PKIB: variants seen among roughly 807,000 people sequenced by gnomAD.
The protein encoded by PKIB is PKI-beta.
In PKIB, 2 loss-of-function variants were observed where a neutral mutation model predicts 4.5. The ratio of observed to expected loss-of-function variants is 0.44; its 90% confidence interval spans 0.18 to 1.39. The LOEUF is 1.39. PKIB is among the 40% of genes most tolerant of loss of function. PKIB has a pLI of 0.27. For missense variants in PKIB, 94 were observed against 92.6 expected (o/e 1.02, Z -0.06); for synonymous variants, 38 against 36.0 (o/e 1.06, Z -0.20).
At chr6:122,655,806 A>T (rs1290485124) in intron 2 of PKIB, among the ~76,000 whole-genome samples, 1 of 152,198 alleles carries the variant, frequency 6.6e-6, no homozygotes, top group East Asian at 1.9e-4. Flanking sequence ...AAGGCTCTCT[A>T]ATTATTGACT....
chr6:122,561,923 A>G (rs1400641242), intron 2 of PKIB, among the ~76,000 whole-genome samples: 1 of 140,284 alleles, frequency 7.1e-6, no homozygotes, highest in Admixed American at 7.6e-5. Flanking sequence ...CAATGTTAGT[A>G]TTGAAATGTG....
chr6:122,677,220 G>A (rs995957321), intron 3 of PKIB, among the ~76,000 whole-genome samples: 5 of 152,136 alleles, frequency 3.3e-5, no homozygotes, highest in Admixed American at 2.0e-4. Flanking sequence ...AATCAAAATC[G>A]AAGGGGAGCT....
At chr6:122,516,320 G>A (rs914256394) in intron 2 of PKIB, among the ~76,000 whole-genome samples, 2 of 152,084 alleles carry the variant, frequency 1.3e-5, no homozygotes, top group Non-Finnish European at 2.9e-5. Context: ...TTGGGGGACT[G>A]GTTTTTGCTT....
chr6:122,501,114 CCTT>C lies in PKIB; in HGVS notation c.-248+23178_-248+23180del, dbSNP rs763851591. Reference sequence around the variant, plus strand: ...CCCCAGCTTCTCCCACATCTCATGTCCTTCTCACATTCCAGAACACAATCATGA... The same window carrying C: ...CCCCAGCTTCTCCCACATCTCATGTCCTCACATTCCAGAACACAATCATGA... On this transcript the variant is annotated intron_variant, in intron 2 of 6. Coordinates refer to the PKIB transcript ENST00000392491. Among the ~76,000 whole-genome samples the C allele has an allele frequency of 2.0e-5, 3 of 152,294 alleles. No homozygotes were observed. In the East Asian group the frequency reaches 5.8e-4, roughly 29 times the overall value.
At position 122,560,093 on chromosome 6, in the gene PKIB, C is replaced by T. The variant is rs147937862; in HGVS notation, c.-247-25828C>T. ...CCAGTACTATGTTGAAGAGGAGTGG[C>T]GAGACTGGGCATCCTTGTCTTGTTC... is the stretch of plus-strand genomic sequence containing the variant. On this transcript the variant is annotated intron_variant, in intron 2 of 6. Transcript: ENST00000392491. Among the ~76,000 whole-genome samples the T allele has an allele frequency of 7.5e-3, 1,137 of 152,018 alleles. 6 individuals are homozygous for T. The highest frequency in any genetic ancestry group is 9.7e-3 in the Non-Finnish European group (662 of 67,934).
At chr6:122,638,511 T>G (rs564898517) in intron 2 of PKIB, among the ~76,000 whole-genome samples, 1 of 152,322 alleles carries the variant, frequency 6.6e-6, no homozygotes, top group African/African-American at 2.4e-5. Flanking sequence ...CTCACTCTGC[T>G]TCATGTCCTC....
intron 3 of PKIB, among the ~76,000 whole-genome samples, chr6:122,675,433 T>C (rs550718605): frequency 6.6e-6 from 1 of 152,336 alleles, no homozygotes; most frequent in South Asian, 2.1e-4. Context: ...TCGTTTTTCC[T>C]TTTGTGAAGA....
chr6:122,570,118 A>G (rs1562254889), intron 2 of PKIB, among the ~76,000 whole-genome samples: 1 of 152,244 alleles, frequency 6.6e-6, no homozygotes, highest in Non-Finnish European at 1.5e-5. Context: ...CATGAGAGGC[A>G]GAGTCACAAC....
At chr6:122,492,319 A>C (rs1329095874) in intron 2 of PKIB, among the ~76,000 whole-genome samples, 1 of 152,118 alleles carries the variant, frequency 6.6e-6, no homozygotes, top group Admixed American at 6.5e-5. Context: ...AGCAGAGGAA[A>C]AGCAAGTAGA....
chr6:122,527,248 G>A lies in PKIB; in HGVS notation c.-248+49309G>A, dbSNP rs71571158. On this transcript the variant is annotated intron_variant, in intron 2 of 6. Coordinates refer to the PKIB transcript ENST00000392491. ...CAAACTGTTTTCCTTTCAGTAAGAA[G>A]GCTGTTTTCCTTTCTTATTATTCAT... Among the ~76,000 whole-genome samples the A allele has an allele frequency of 1.8e-3, 273 of 152,138 alleles. 1 individual carries two copies. The highest frequency in any genetic ancestry group is 6.5e-3 in the African/African-American group (269 of 41,526).
intron 2 of PKIB, among the ~76,000 whole-genome samples, chr6:122,633,589 C>T (rs1353381282): frequency 6.6e-6 from 1 of 152,158 alleles, no homozygotes; most frequent in Admixed American, 6.5e-5. Context: ...TTGAGATACA[C>T]ATTTTCAACT....
rs549583964 is a variant in PKIB, at chr6:122,701,595, A to G, written c.-8-16192A>G. ...GCCACATAGGCCATAGCTCAAGCCCATCAGCAGTTAGCAGTTCTGTCTCAG... is the reference window on the plus strand; with the variant it reads ...GCCACATAGGCCATAGCTCAAGCCCGTCAGCAGTTAGCAGTTCTGTCTCAG... On this transcript the variant is annotated intron_variant, in intron 3 of 4. Transcript: ENST00000368452. 7.7e-6 allele frequency: 11 copies of G among 1,425,796 alleles called. No homozygotes were observed. The South Asian group carries it at 1.0e-4, about 13-fold the overall frequency. 88.3% of individuals were successfully genotyped at this position (1,425,796 alleles called of 1,614,324 possible).
chr6:122,499,248 A>AAAG (rs1776156268), intron 2 of PKIB, among the ~76,000 whole-genome samples: 1 of 152,174 alleles, frequency 6.6e-6, no homozygotes, highest in Non-Finnish European at 1.5e-5. Context: ...GAAATCTGTC[A>AAAG]AAGAAACAAC....
chr6:122,710,065 C>A (rs1324529950), intron 3 of PKIB, among the ~76,000 whole-genome samples: 2 of 152,090 alleles, frequency 1.3e-5, no homozygotes, highest in Non-Finnish European at 2.9e-5. Flanking sequence ...AAAGGACCTT[C>A]ATTTTCAGCT....
At chr6:122,542,963 C>G (rs1777654576) in intron 2 of PKIB, among the ~76,000 whole-genome samples, 1 of 152,096 alleles carries the variant, frequency 6.6e-6, no homozygotes, top group Non-Finnish European at 1.5e-5. Context: ...AGTTTGATCT[C>G]AGACTGCTGT....
At chr6:122,566,286 CAGAAGAAATAT>C (rs1773190940) in intron 2 of PKIB, among the ~76,000 whole-genome samples, 1 of 152,092 alleles carries the variant, frequency 6.6e-6, no homozygotes, top group African/African-American at 2.4e-5. Context: ...GGCCAGGAGT[CAGAAGAAATAT>C]AGTCTGACCA....
intron 2 of PKIB, among the ~76,000 whole-genome samples, chr6:122,661,413 G>A (rs1263382740): frequency 1.3e-5 from 2 of 151,952 alleles, no homozygotes; most frequent in African/African-American, 4.8e-5. Flanking sequence ...TTCTTGTTTT[G>A]TAAATTTGCA....
At chr6:122,611,765 A>C (rs1462029444) in intron 1 of PKIB, among the ~76,000 whole-genome samples, 1 of 152,242 alleles carries the variant, frequency 6.6e-6, no homozygotes, top group Non-Finnish European at 1.5e-5. Context: ...ACTGATGACC[A>C]TAATGCTCAC....
intron 2 of PKIB, among the ~76,000 whole-genome samples, chr6:122,664,020 C>T (rs1405167784): frequency 1.3e-5 from 2 of 152,140 alleles, no homozygotes; most frequent in African/African-American, 4.8e-5. Context: ...TTTACATATT[C>T]ATGAGGATGT....
Sources: gnomAD v4.1 joint callset for allele counts (sites outside exome capture counted in the v4.1 genomes callset) on GRCh38, gnomAD v4.1.1 for gene constraint, MANE v1.5 for transcripts, NCBI Gene and HGNC (gene_info 2026-07-23, HGNC 2026-07-21) for gene names.